Variants in CLIC5 observed in about 807,000 individuals in gnomAD.
The protein encoded by CLIC5 is chloride intracellular channel protein 5.
Under a neutral mutation model 24.7 loss-of-function variants are expected in CLIC5, and 20 were observed. The ratio of observed to expected loss-of-function variants is 0.81; its 90% CI spans 0.57 to 1.18. The LOEUF is 1.18. CLIC5 is among the 50% of genes most tolerant of loss of function. The probability of loss-of-function intolerance (pLI) is 0.00; values close to 1 mark genes in which losing one functional copy is unlikely to be tolerated. For synonymous variants in CLIC5, 159 were observed against 135.6 expected, an observed-to-expected ratio of 1.17 and a Z score of -1.20; for missense variants, 341 against 326.1, an observed-to-expected ratio of 1.05 and a Z score of -0.35.
At chr6:46,118,101 G>T in the CLIC5 span, among the ~76,000 whole-genome samples, 6 of 152,200 alleles carry the variant, frequency 3.9e-5, no homozygotes, top group African/African-American at 1.4e-4. Flanking sequence ...AGCCTGCCCA[G>T]CTCACCCAGG....
chr6:46,077,504 C>T (rs561244852), intron 1 of CLIC5, among the ~76,000 whole-genome samples: 1 of 152,032 alleles, frequency 6.6e-6, no homozygotes, highest in East Asian at 2.0e-4. Flanking sequence ...AGAGGTCACA[C>T]TCACACCCTA....
intron 1 of CLIC5, among the ~76,000 whole-genome samples, chr6:45,988,946 G>A (rs1765835839): frequency 6.6e-6 from 1 of 152,180 alleles, no homozygotes; most frequent in African/African-American, 2.4e-5. Context: ...CAGTCTATGA[G>A]GCTTGGGTTC....
At chr6:46,075,105 T>C (rs1240406012) in intron 1 of CLIC5, among the ~76,000 whole-genome samples, 1 of 152,246 alleles carries the variant, frequency 6.6e-6, no homozygotes, top group Non-Finnish European at 1.5e-5. Context: ...AGATACTATA[T>C]TAAGCAACTT....
chr6:46,003,810 T>C (rs1302103228), intron 1 of CLIC5, among the ~76,000 whole-genome samples: 1 of 152,166 alleles, frequency 6.6e-6, no homozygotes, highest in African/African-American at 2.4e-5. Context: ...GTTTGGAAAA[T>C]GCCCCAGGTG....
intron 5 of CLIC5, among the ~76,000 whole-genome samples, chr6:45,905,060 T>G (rs1043011455): frequency 3.3e-5 from 5 of 152,140 alleles, no homozygotes; most frequent in Admixed American, 6.5e-5. Context: ...ATGACTTTGT[T>G]TCTTTACATG....
intron 1 of CLIC5, among the ~76,000 whole-genome samples, chr6:46,050,853 A>ATGTGTG (rs56660827): frequency 0.012 from 1,837 of 148,634 alleles, 10 homozygotes; most frequent in African/African-American, 0.023. Context: ...GTGTGTGTGT[A>ATGTGTG]TGTGTGTGTG....
intron 1 of CLIC5, among the ~76,000 whole-genome samples, chr6:45,994,171 G>A (rs910562915): frequency 6.6e-6 from 1 of 152,102 alleles, no homozygotes; most frequent in Non-Finnish European, 1.5e-5. Context: ...CTGAGGGTAA[G>A]GATAACAGTT....
chr6:46,069,555 T>G (rs545997672), intron 1 of CLIC5, among the ~76,000 whole-genome samples: 4 of 151,218 alleles, frequency 2.6e-5, no homozygotes, highest in African/African-American at 9.7e-5. Flanking sequence ...GTTCCAAAAT[T>G]GAATCGGTAA....
chr6:45,980,505 C>T (rs1459789008), intron 1 of CLIC5, among the ~76,000 whole-genome samples: 1 of 151,896 alleles, frequency 6.6e-6, no homozygotes, highest in Non-Finnish European at 1.5e-5. Flanking sequence ...TATACCAAAC[C>T]TCAGCGACAT....
chr6:46,075,135 ATCT>A (rs1247436728), intron 1 of CLIC5, among the ~76,000 whole-genome samples: 3 of 152,250 alleles, frequency 2.0e-5, no homozygotes, highest in South Asian at 4.1e-4. Flanking sequence ...ATCTTATTTA[ATCT>A]TTATAATAAC....
chr6:45,953,331 C>A (rs1764531697), intron 2 of CLIC5, among the ~76,000 whole-genome samples: 1 of 152,116 alleles, frequency 6.6e-6, no homozygotes, highest in Non-Finnish European at 1.5e-5. Context: ...CACAAGGCAA[C>A]ATAGACAACA....
chr6:45,907,396 A>G (rs1030910394), intron 5 of CLIC5, among the ~76,000 whole-genome samples: 2 of 152,164 alleles, frequency 1.3e-5, no homozygotes, highest in Non-Finnish European at 2.9e-5. Context: ...ATGTGAATTA[A>G]CTATTTGATG....
intron 5 of CLIC5, chr6:45,911,875 A>G: frequency 1.0e-6 from 1 of 985,466 alleles, no homozygotes; most frequent in African/African-American, 1.7e-5. Flanking sequence ...TTCTTCACAC[A>G]TTGGCTTGAC....
the CLIC5 span, among the ~76,000 whole-genome samples, chr6:46,111,772 TC>T: frequency 3.3e-5 from 5 of 152,156 alleles, no homozygotes; most frequent in Admixed American, 1.3e-4. Flanking sequence ...CTCCCACAAT[TC>T]CCATGTGTCA....
In CLIC5 at chr6:45,933,032, C is replaced by G. The variant is rs373744541; in HGVS notation, c.406+8515G>C. 4.6e-5 allele frequency among the ~76,000 whole-genome samples: 7 copies of G among 152,296 alleles called. No individual in the cohort carries two copies. In the South Asian group the frequency reaches 1.5e-3, roughly 32 times the overall value. On this transcript the variant is annotated intron_variant, in intron 4 of 5. Coordinates refer to ENST00000339561, the MANE Select transcript of CLIC5 (RefSeq NM_016929.5). ...ACTCACTGAGGTTCCTAGAATAACC[C>G]GAGAGTCTTCTTCCATTCTATGTGG...
At chr6:46,124,913 A>C in the CLIC5 span, among the ~76,000 whole-genome samples, 1 of 152,218 alleles carries the variant, frequency 6.6e-6, no homozygotes, top group Non-Finnish European at 1.5e-5. Context: ...CGATCATTAA[A>C]AAGTCAGGAA....
chr6:46,092,857 C>G, the CLIC5 span, among the ~76,000 whole-genome samples: 8 of 152,246 alleles, frequency 5.3e-5, no homozygotes, highest in Middle Eastern at 6.8e-3. Flanking sequence ...CAACCAAATA[C>G]TAAGAACTCT....
chr6:46,057,089 A>C (rs1768280709), intron 1 of CLIC5, among the ~76,000 whole-genome samples: 1 of 152,158 alleles, frequency 6.6e-6, no homozygotes. Flanking sequence ...GACGCTTATC[A>C]TCTCTCCCCA....
chr6:45,929,384 A>G (rs1400666991), intron 4 of CLIC5, among the ~76,000 whole-genome samples: 2 of 152,322 alleles, frequency 1.3e-5, no homozygotes, highest in South Asian at 2.1e-4. Flanking sequence ...AGACGAGGAC[A>G]TGCAAGTGCA....
Sources: gnomAD v4.1 joint callset for allele counts (sites outside exome capture counted in the v4.1 genomes callset) on GRCh38, gnomAD v4.1.1 for gene constraint, MANE v1.5 for transcripts, NCBI Gene and HGNC (gene_info 2026-07-23, HGNC 2026-07-21) for gene names.